OR14A2: variants seen among roughly 807,000 people sequenced by gnomAD.
OR14A2 encodes olfactory receptor family 14 subfamily A member 2.
For missense variants in OR14A2, 237 were observed against 152.9 expected (o/e 1.55, Z -2.90); for synonymous variants, 114 against 58.6 (o/e 1.95, Z -4.32).
At chr1:247,746,403 A>T in the OR14A2 span, 1 of 152,160 alleles carries the variant, frequency 6.6e-6, no homozygotes, top group African/African-American at 2.4e-5. Flanking sequence ...AATTCAGAAA[A>T]ATGAAGGTGT....
the OR14A2 span, among the ~76,000 whole-genome samples, chr1:247,744,177 A>G: frequency 1.3e-5 from 2 of 152,164 alleles, no homozygotes; most frequent in African/African-American, 4.8e-5. The surrounding 1 kb of genome is among the most constrained non-coding windows in gnomAD (Gnocchi z 4.3). Flanking sequence ...TCTGTAATAT[A>G]TTGATATCCA....
the OR14A2 span, among the ~76,000 whole-genome samples, chr1:247,729,202 A>G: frequency 6.6e-6 from 1 of 152,166 alleles, no homozygotes; most frequent in South Asian, 2.1e-4. Context: ...TTAAGTGATT[A>G]TCTCTTAAGA....
At chr1:247,733,362 C>T in the OR14A2 span, among the ~76,000 whole-genome samples, 3 of 152,122 alleles carry the variant, frequency 2.0e-5, no homozygotes, top group African/African-American at 7.2e-5. Context: ...TGAAGGTAAC[C>T]TCTTAAACTG....
At chr1:247,734,088 C>T in the OR14A2 span, among the ~76,000 whole-genome samples, 2 of 152,182 alleles carry the variant, frequency 1.3e-5, no homozygotes, top group Non-Finnish European at 2.9e-5. Context: ...GTTCTAACCT[C>T]CAAGACCTCT....
the OR14A2 span, among the ~76,000 whole-genome samples, chr1:247,745,531 T>G: frequency 2.6e-5 from 4 of 152,066 alleles, no homozygotes; most frequent in Non-Finnish European, 5.9e-5. Context: ...TTAACTAGAT[T>G]GAATAAAATC....
the OR14A2 span, among the ~76,000 whole-genome samples, chr1:247,742,605 G>A: frequency 3.3e-5 from 5 of 152,204 alleles, no homozygotes; most frequent in East Asian, 9.6e-4. Flanking sequence ...TTAACTGCTT[G>A]TTCTAGGAAA....
chr1:247,738,643 T>G, the OR14A2 span: 1 of 780,386 alleles, frequency 1.3e-6, no homozygotes. Flanking sequence ...ATGATGGAAT[T>G]CTTGCTTGTG....
At chr1:247,747,539 T>G in the OR14A2 span, among the ~76,000 whole-genome samples, 1 of 151,952 alleles carries the variant, frequency 6.6e-6, no homozygotes, top group Non-Finnish European at 1.5e-5. Flanking sequence ...TTTTTTTGTA[T>G]TTTTGGTAGA....
At chr1:247,742,299 A>G in the OR14A2 span, among the ~76,000 whole-genome samples, 2 of 138,804 alleles carry the variant, frequency 1.4e-5, no homozygotes, top group Non-Finnish European at 3.2e-5. Context: ...CACACCATGA[A>G]GTGGAGACTG....
At chr1:247,725,665 A>C (rs1394440858), upstream of OR14A2, among the ~76,000 whole-genome samples, 1 of 125,268 alleles carries the variant, frequency 8.0e-6, no homozygotes, top group Non-Finnish European at 1.7e-5. Context: ...ATATCTCCCA[A>C]TGCTATCCCT....
upstream of OR14A2, chr1:247,724,138 A>C: frequency 1.7e-6 from 1 of 583,340 alleles, no homozygotes; most frequent in Non-Finnish European, 3.1e-6. Context: ...CAGACTAGCA[A>C]GAGTCATATT....
chr1:247,739,607 C>A, the OR14A2 span: 1 of 706,628 alleles, frequency 1.4e-6, no homozygotes, highest in South Asian at 1.7e-5. Flanking sequence ...GTTGTTCTGC[C>A]ATCCACTAGC....
the OR14A2 span, among the ~76,000 whole-genome samples, chr1:247,744,635 T>C: frequency 6.6e-6 from 1 of 152,198 alleles, no homozygotes; most frequent in African/African-American, 2.4e-5. The surrounding 1 kb of genome is among the most constrained non-coding windows in gnomAD (Gnocchi z 4.3). Context: ...ACACTGTCCA[T>C]AGATCTAGAT....
the OR14A2 span, chr1:247,738,500 A>G: frequency 1.6e-6 from 1 of 619,336 alleles, no homozygotes; most frequent in Non-Finnish European, 2.9e-6. Context: ...CTTTTTGTCT[A>G]GGCCTTGATG....
At chr1:247,736,159 C>T in the OR14A2 span, among the ~76,000 whole-genome samples, 83 of 145,876 alleles carry the variant, frequency 5.7e-4, 1 homozygote, top group East Asian at 3.2e-3. Context: ...GCCTCCCCTC[C>T]CCTCCCCTCC....
At chr1:247,735,295 C>T in the OR14A2 span, among the ~76,000 whole-genome samples, 1 of 152,182 alleles carries the variant, frequency 6.6e-6, no homozygotes, top group Non-Finnish European at 1.5e-5. Context: ...CACTGCATCT[C>T]CCAGTGTCCT....
At chr1:247,734,766 A>G in the OR14A2 span, among the ~76,000 whole-genome samples, 1 of 152,162 alleles carries the variant, frequency 6.6e-6, no homozygotes, top group East Asian at 1.9e-4. Context: ...AATGATGAAG[A>G]AGAAGGTCTA....
chr1:247,725,077 AG>A (rs1305750410), upstream of OR14A2, among the ~76,000 whole-genome samples: 1 of 152,012 alleles, frequency 6.6e-6, no homozygotes, highest in African/African-American at 2.4e-5. Flanking sequence ...AGGCAGAAAA[AG>A]AACAAATAAA....
the OR14A2 span, among the ~76,000 whole-genome samples, chr1:247,729,718 A>G: frequency 6.6e-6 from 1 of 152,096 alleles, no homozygotes; most frequent in Non-Finnish European, 1.5e-5. Context: ...GCTTCTCCAA[A>G]GTAAAAATAC....
Sources: gnomAD v4.1 joint callset for allele counts (sites outside exome capture counted in the v4.1 genomes callset) on GRCh38, gnomAD v4.1.1 for gene constraint, Gnocchi (gnomAD v3.1) non-coding constraint, MANE v1.5 for transcripts, NCBI Gene and HGNC (gene_info 2026-07-23, HGNC 2026-07-21) for gene names.